The following PDZRN4 variants were observed in gnomAD, a reference collection of about 807,000 sequenced individuals.
PDZRN4 encodes the protein PDZ domain-containing RING finger protein 4.
In PDZRN4, 70 loss-of-function variants were observed where a neutral mutation model predicts 99.0. The observed-to-expected ratio is 0.71, with a 90% CI of 0.58 to 0.86. The LOEUF (loss-of-function observed/expected upper bound fraction) is 0.86, where lower values mean the gene tolerates loss of function less well. Ranked by LOEUF, PDZRN4 falls within the 40% of genes least tolerant of loss-of-function variation. The probability of loss-of-function intolerance (pLI) is 0.00; values close to 1 mark genes in which losing one functional copy is unlikely to be tolerated. For synonymous variants in PDZRN4, 551 were observed against 501.6 expected, an observed-to-expected ratio of 1.10 and a Z score of -1.32; for missense variants, 1,474 against 1,331.2, an observed-to-expected ratio of 1.11 and a Z score of -1.67.
intron 3 of PDZRN4, among the ~76,000 whole-genome samples, chr12:41,436,710 A>C (rs1181174015): frequency 1.3e-5 from 2 of 152,212 alleles, no homozygotes; most frequent in Non-Finnish European, 2.9e-5. Flanking sequence ...AAAAACTGCC[A>C]GCTTGCAATA....
At chr12:41,303,384 G>C (rs575062209) in intron 3 of PDZRN4, among the ~76,000 whole-genome samples, 70 of 152,274 alleles carry the variant, frequency 4.6e-4, no homozygotes, top group Middle Eastern at 3.4e-3. Flanking sequence ...ATGATCTCAT[G>C]CCTACGGGCT....
chr12:41,275,985 G>A (rs1951347690), intron 3 of PDZRN4, among the ~76,000 whole-genome samples: 1 of 152,140 alleles, frequency 6.6e-6, no homozygotes, highest in Non-Finnish European at 1.5e-5. Context: ...ACAGGCAGAG[G>A]AAACTCCAGA....
chr12:41,438,547 G>A (rs1952651568), intron 3 of PDZRN4, among the ~76,000 whole-genome samples: 2 of 152,124 alleles, frequency 1.3e-5, no homozygotes, highest in South Asian at 4.1e-4. Flanking sequence ...CTATGTCCTG[G>A]CTGAAACAGG....
chr12:41,567,604 CTT>C (rs34848026), intron 8 of PDZRN4, among the ~76,000 whole-genome samples, 177 bp from the exon 9 acceptor site: 291 of 144,308 alleles, frequency 2.0e-3, no homozygotes, highest in Middle Eastern at 0.011. Context: ...CATAAGAGTC[CTT>C]TTTTTTTTTT....
chr12:41,404,647 GA>G (rs139945113), intron 3 of PDZRN4, among the ~76,000 whole-genome samples: 20 of 148,956 alleles, frequency 1.3e-4, no homozygotes, highest in African/African-American at 3.5e-4. Flanking sequence ...CACAGAACTG[GA>G]AAAAAAAACT....
intron 5 of PDZRN4, among the ~76,000 whole-genome samples, chr12:41,514,674 C>T (rs992470778): frequency 1.3e-5 from 2 of 152,066 alleles, no homozygotes; most frequent in African/African-American, 4.8e-5. Context: ...CCATTGGTGT[C>T]TGCATGGACC....
intron 3 of PDZRN4, among the ~76,000 whole-genome samples, chr12:41,291,024 T>G (rs557157793): frequency 7.9e-5 from 12 of 152,114 alleles, no homozygotes; most frequent in African/African-American, 2.6e-4. Flanking sequence ...CTTCCAAAGT[T>G]GCTTTTTAAA....
chr12:41,417,789 G>A (rs903467319), intron 3 of PDZRN4, among the ~76,000 whole-genome samples: 7 of 152,156 alleles, frequency 4.6e-5, no homozygotes, highest in Non-Finnish European at 7.4e-5. Context: ...GTTGTAGAAT[G>A]GCAAGACTAT....
chr12:41,390,562 C>CAAA (rs766893966), intron 3 of PDZRN4, among the ~76,000 whole-genome samples: 1 of 101,352 alleles, frequency 9.9e-6, no homozygotes. Context: ...AACTCCTAAG[C>CAAA]AAAAAAAAAA....
intron 3 of PDZRN4, among the ~76,000 whole-genome samples, chr12:41,374,068 A>G (rs986481009): frequency 2.0e-5 from 3 of 152,124 alleles, no homozygotes; most frequent in Non-Finnish European, 4.4e-5. Flanking sequence ...ATGCTTGAAC[A>G]CAAGGGAGAC....
At chr12:41,470,800 C>A (rs1010413473) in intron 3 of PDZRN4, among the ~76,000 whole-genome samples, 1 of 152,058 alleles carries the variant, frequency 6.6e-6, no homozygotes, top group Non-Finnish European at 1.5e-5. Flanking sequence ...CAAGAACGAG[C>A]CTCATGGCCA....
At chr12:41,338,044 C>T (rs1332941453) in intron 3 of PDZRN4, among the ~76,000 whole-genome samples, 1 of 152,108 alleles carries the variant, frequency 6.6e-6, no homozygotes, top group Non-Finnish European at 1.5e-5. Flanking sequence ...CATGTGCATG[C>T]CACTGTGCCC....
chr12:41,264,696 T>C (rs1025169920), intron 3 of PDZRN4, among the ~76,000 whole-genome samples: 2 of 152,216 alleles, frequency 1.3e-5, no homozygotes, highest in African/African-American at 4.8e-5. Context: ...ATTTAAATCT[T>C]GCAGGTGTAT....
At chr12:41,360,649 T>C (rs1180156092) in intron 3 of PDZRN4, among the ~76,000 whole-genome samples, 1 of 152,068 alleles carries the variant, frequency 6.6e-6, no homozygotes, top group Non-Finnish European at 1.5e-5. Context: ...AATGAATAAT[T>C]GACTTGCATT....
chr12:41,253,506 A>T (rs1951184804), intron 3 of PDZRN4, among the ~76,000 whole-genome samples: 1 of 152,088 alleles, frequency 6.6e-6, no homozygotes, highest in African/African-American at 2.4e-5. Flanking sequence ...CCTGGTGAGG[A>T]TGTGGAGAAA....
intron 3 of PDZRN4, among the ~76,000 whole-genome samples, chr12:41,498,217 T>C (rs1285282045): frequency 1.3e-5 from 2 of 151,982 alleles, no homozygotes; most frequent in African/African-American, 4.8e-5. Flanking sequence ...CCTGATAAGA[T>C]AGGCTGAAAA....
Position 41,552,751 on chromosome 12 carries a change from C to T in PDZRN4, c.1299C>T (p.Ser433=), listed in dbSNP as rs751527681. 12 of 1,611,574 alleles carry T rather than the reference C, an allele frequency of 7.4e-6. No individual in the cohort carries two copies. The East Asian group carries it at 1.1e-4, about 15-fold the overall frequency. Residue 433 remains serine, a synonymous_variant, in exon 6 of 10, where the codon AGC becomes AGT. Coordinates refer to ENST00000402685, the MANE Select transcript of PDZRN4 (RefSeq NM_001164595.2). Reference sequence around the variant, plus strand: ...AAGAAGACACCGGCATTTATGTCAGCGAGGTAAGAAACGCCATGGAGGGGA... The same window carrying T: ...AAGAAGACACCGGCATTTATGTCAGTGAGGTAAGAAACGCCATGGAGGGGA... The part of the protein sequence containing the change: ...DDEEDTGIYV[S]EVDPNSIAAK...
intron 3 of PDZRN4, among the ~76,000 whole-genome samples, chr12:41,502,287 G>A (rs1267451643): frequency 2.0e-5 from 3 of 152,042 alleles, no homozygotes; most frequent in Non-Finnish European, 4.4e-5. Context: ...CACAGCTATC[G>A]AAACGCCAGA....
Position 41,358,455 on chromosome 12 carries a change from C to G in PDZRN4, c.844-148001C>G, listed in dbSNP as rs189624051. 3.1e-3 allele frequency among the ~76,000 whole-genome samples: 471 copies of G among 152,048 alleles called. 5 individuals are homozygous for G. Among genetic ancestry groups the G allele is most frequent in the African/African-American group, 0.011 (448 of 41,500 alleles). Reference sequence around the variant, plus strand: ...ATTTTCAATGTGTCAAGAAAAATGTCCTGGACAATTTCCATACTCTTACTT... The same window carrying G: ...ATTTTCAATGTGTCAAGAAAAATGTGCTGGACAATTTCCATACTCTTACTT... On this transcript the variant is annotated intron_variant, in intron 3 of 9. Transcript: ENST00000402685.
Sources: gnomAD v4.1 joint callset for allele counts (sites outside exome capture counted in the v4.1 genomes callset) on GRCh38, gnomAD v4.1.1 for gene constraint, MANE v1.5 for transcripts, NCBI Gene and HGNC (gene_info 2026-07-23, HGNC 2026-07-21) for gene names.